The following CAPS2 variants were observed in gnomAD, a reference collection of about 807,000 sequenced individuals.
CAPS2 encodes the protein calcyphosine 2, also known as calcyphosin-2.
Under a neutral mutation model 86.5 loss-of-function variants are expected in CAPS2, and 98 were observed. The ratio of observed to expected loss-of-function variants is 1.13; its 90% CI spans 0.96 to 1.34. CAPS2 has a LOEUF of 1.34. Ranked by LOEUF, CAPS2 falls within the 40% of genes most tolerant of loss-of-function variation. The probability of loss-of-function intolerance (pLI) is 0.00; values close to 1 mark genes in which losing one functional copy is unlikely to be tolerated. For missense variants in CAPS2, 729 were observed against 686.8 expected, an observed-to-expected ratio of 1.06 and a Z score of -0.69; for synonymous variants, 210 against 225.1, an observed-to-expected ratio of 0.93 and a Z score of 0.60.
chr12:75,323,360 T>C, intron 2 of CAPS2, 138 bp from the exon 4 acceptor site: 1 of 562,216 alleles, frequency 1.8e-6, no homozygotes, highest in Non-Finnish European at 3.1e-6. Context: ...GTGATAGGCT[T>C]TTGTTAAATG....
At chr12:75,342,553 T>C (rs1204299477) in intron 1 of CAPS2, among the ~76,000 whole-genome samples, 3 of 152,204 alleles carry the variant, frequency 2.0e-5, no homozygotes, top group Non-Finnish European at 2.9e-5. Flanking sequence ...TTGAGCTATT[T>C]GTCTACCCTT....
chr12:75,337,877 A>G (rs1398797156), intron 1 of CAPS2, among the ~76,000 whole-genome samples: 1 of 152,056 alleles, frequency 6.6e-6, no homozygotes, highest in African/African-American at 2.4e-5. Flanking sequence ...CCGGGGTTAG[A>G]GATTGACTTT....
chr12:75,305,730 T>C (rs149394011), intron 7 of CAPS2: 7,264 of 688,120 alleles, frequency 0.011, 67 homozygotes, highest in South Asian at 0.016. Flanking sequence ...GTGTGGTACA[T>C]GCGGGTCAAG....
chr12:75,383,793 T>G, intron 1 of CAPS2, among the ~76,000 whole-genome samples: 1 of 152,104 alleles, frequency 6.6e-6, no homozygotes. Context: ...AAACACACCT[T>G]AACAAATTTA....
intron 12 of CAPS2, among the ~76,000 whole-genome samples, chr12:75,292,893 T>C (rs921560318): frequency 2.0e-5 from 3 of 151,360 alleles, no homozygotes; most frequent in African/African-American, 7.3e-5. Flanking sequence ...TAAAAAAAAA[T>C]CATAATAACA....
At chr12:75,330,916 T>A (rs1357661723), upstream of CAPS2, among the ~76,000 whole-genome samples, 1 of 151,820 alleles carries the variant, frequency 6.6e-6, no homozygotes, top group Non-Finnish European at 1.5e-5. Context: ...TCCCAAGTAG[T>A]TGGGATTACA....
chr12:75,377,979 C>A (rs2044748968), intron 1 of CAPS2, among the ~76,000 whole-genome samples: 1 of 151,656 alleles, frequency 6.6e-6, no homozygotes, highest in Admixed American at 6.6e-5. Context: ...CTAGGAATTT[C>A]CACAAAGCTG....
At chr12:75,305,486 C>A in intron 7 of CAPS2, 1 of 580,994 alleles carries the variant, frequency 1.7e-6, no homozygotes, top group Non-Finnish European at 3.3e-6. Context: ...CCCAACTTTG[C>A]AGCCGAGGCC....
At chr12:75,301,109 C>A (rs948548389) in intron 8 of CAPS2, among the ~76,000 whole-genome samples, 1 of 152,144 alleles carries the variant, frequency 6.6e-6, no homozygotes, top group African/African-American at 2.4e-5. Flanking sequence ...AACCAAAACA[C>A]CCTACTGCCA....
At chr12:75,375,618 T>C (rs2044609016) in intron 1 of CAPS2, among the ~76,000 whole-genome samples, 1 of 152,246 alleles carries the variant, frequency 6.6e-6, no homozygotes, top group Non-Finnish European at 1.5e-5. Context: ...ATTTTTATAA[T>C]ACAAATTAGT....
intron 7 of CAPS2, among the ~76,000 whole-genome samples, chr12:75,312,340 A>G (rs1216452311): frequency 6.6e-6 from 1 of 152,188 alleles, no homozygotes; most frequent in Non-Finnish European, 1.5e-5. Flanking sequence ...CACAGTTTCA[A>G]CAAGACAGCA....
exon 11 of CAPS2, chr12:75,298,727 C>T (rs373523519): frequency 9.3e-6 from 15 of 1,613,984 alleles, no homozygotes; most frequent in East Asian, 4.5e-5. Flanking sequence ...TCCTTTTCTT[C>T]GTCCACACTG....
At chr12:75,343,900 A>G in intron 1 of CAPS2, 1 of 1,611,404 alleles carries the variant, frequency 6.2e-7, no homozygotes, top group South Asian at 1.1e-5. Flanking sequence ...TGATTTTGAT[A>G]GTCTATCATG....
chr12:75,316,704 T>C (rs556213435), intron 5 of CAPS2, among the ~76,000 whole-genome samples: 1 of 152,162 alleles, frequency 6.6e-6, no homozygotes, highest in South Asian at 2.1e-4. Context: ...TTAAGAGATA[T>C]ACATGTCCAA....
intron 6 of CAPS2, among the ~76,000 whole-genome samples, chr12:75,315,426 T>A (rs928860442): frequency 6.6e-6 from 1 of 152,160 alleles, no homozygotes; most frequent in Non-Finnish European, 1.5e-5. Flanking sequence ...AAAAATAATG[T>A]GCATGTGGTT....
intron 6 of CAPS2, among the ~76,000 whole-genome samples, chr12:75,314,211 T>C (rs889123694): frequency 6.6e-6 from 1 of 152,150 alleles, no homozygotes; most frequent in Admixed American, 6.5e-5. Context: ...TGAGCCACCA[T>C]GGCCAGCCTA....
rs564848937 is a variant in CAPS2 at position 75,375,008 on chromosome 12, A to G, written c.-395+15830T>C. Among the ~76,000 whole-genome samples, 14 of 152,234 alleles carry G rather than the reference A, an allele frequency of 9.2e-5. No homozygotes were observed. The South Asian group carries it at 2.7e-3, about 29-fold the overall frequency. On this transcript the variant is annotated intron_variant, in intron 1 of 5. Transcript: ENST00000551829. ...GGAATCACCATCCCTGTTTCTTTTA[A>G]GTCCTTCATGGTGGCACTAATCTCT...
intron 1 of CAPS2, among the ~76,000 whole-genome samples, chr12:75,379,949 G>T (rs1414036027): frequency 1.3e-5 from 2 of 151,014 alleles, no homozygotes; most frequent in East Asian, 3.9e-4. Context: ...AACATGCCCA[G>T]ACTAGGACAT....
chr12:75,291,721 G>C (rs752378232), intron 13 of CAPS2, 23 bp downstream of exon 13: 1 of 1,329,544 alleles, frequency 7.5e-7, no homozygotes, highest in Admixed American at 2.0e-5. Context: ...CAAAGTACTT[G>C]AGAGTACAGT....
Sources: gnomAD v4.1 joint callset for allele counts (sites outside exome capture counted in the v4.1 genomes callset) on GRCh38, gnomAD v4.1.1 for gene constraint, MANE v1.5 for transcripts, NCBI Gene and HGNC (gene_info 2026-07-23, HGNC 2026-07-21) for gene names.